Variants in HOMER2 observed in about 807,000 individuals in gnomAD.
HOMER2 encodes the protein homer protein homolog 2.
Under a neutral mutation model 47.0 loss-of-function variants are expected in HOMER2, and 27 were observed. The ratio of observed to expected loss-of-function variants is 0.57; its 90% CI spans 0.42 to 0.79. The LOEUF (loss-of-function observed/expected upper bound fraction) is 0.79. Among genes scored for constraint, HOMER2 ranks in the 30% least tolerant of loss-of-function variants. The pLI, the probability that HOMER2 is intolerant of heterozygous loss-of-function variation, is 0.00. For missense variants in HOMER2, 443 were observed against 435.0 expected (o/e 1.02, Z -0.16); for synonymous variants, 161 against 163.8 (o/e 0.98, Z 0.13).
rs1444350915 is a variant in HOMER2, at chr15:82,881,147, A to C, written c.163-5743T>G. Reference sequence around the variant, plus strand: ...CCTTCTTCTTGCGTGAGTCATCTCTAAAACTTTCACAGAGAAAGAAGCCAC... The same window carrying C: ...CCTTCTTCTTGCGTGAGTCATCTCTCAAACTTTCACAGAGAAAGAAGCCAC... On this transcript the variant is annotated intron_variant, in intron 2 of 8. Transcript: ENST00000450735. Among the ~76,000 whole-genome samples, 4 of 152,248 alleles carry C rather than the reference A, an allele frequency of 2.6e-5. No individual in the cohort carries two copies. In the East Asian group the frequency reaches 5.8e-4, roughly 22 times the overall value.
At chr15:82,985,959 C>A (rs1033929131), upstream of HOMER2, 26 of 566,134 alleles carry the variant, frequency 4.6e-5, no homozygotes, top group Non-Finnish European at 5.8e-5. Flanking sequence ...CGTCTCTACC[C>A]GTCACCTGCT....
intron 2 of HOMER2, among the ~76,000 whole-genome samples, chr15:82,891,609 G>T (rs974356680): frequency 2.6e-5 from 4 of 152,058 alleles, no homozygotes; most frequent in African/African-American, 9.7e-5. Flanking sequence ...CTATTGCCCA[G>T]CCCCTGACTC....
chr15:82,974,233 C>T (rs574044843), intron 1 of HOMER2, among the ~76,000 whole-genome samples: 1 of 151,368 alleles, frequency 6.6e-6, no homozygotes, highest in South Asian at 2.1e-4. Flanking sequence ...GGAGAAAACC[C>T]ATCTCTACTA....
chr15:82,843,442 C>CAAAAAAAAAAAAAAAAAAA (rs56335970), exon 2 of HOMER2: 1 of 20,512 alleles, frequency 4.9e-5, no homozygotes, highest in Non-Finnish European at 7.3e-5. Context: ...GACCCCGTCT[C>CAAAAAAAAAAAAAAAAAAA]AAAAAAAAAA....
chr15:82,890,334 C>T (rs1275531089), intron 2 of HOMER2, among the ~76,000 whole-genome samples: 2 of 152,002 alleles, frequency 1.3e-5, no homozygotes, highest in African/African-American at 4.8e-5. Context: ...AAAGTGAGAC[C>T]CTGTCTCAAA....
downstream of HOMER2, chr15:82,844,779 C>G (rs150116719): frequency 6.6e-6 from 1 of 152,354 alleles, no homozygotes; most frequent in East Asian, 1.9e-4. Context: ...ATATTTGATG[C>G]AAGGAATGTC....
At chr15:82,951,938 A>T in intron 1 of HOMER2, 1 of 416,394 alleles carries the variant, frequency 2.4e-6, no homozygotes, top group Non-Finnish European at 3.2e-6. Flanking sequence ...CAGAAGCATT[A>T]GTCACTTCGA....
At chr15:82,854,203 G>C (rs982091331) in intron 6 of HOMER2, among the ~76,000 whole-genome samples, 1 of 152,180 alleles carries the variant, frequency 6.6e-6, no homozygotes, top group Non-Finnish European at 1.5e-5. Flanking sequence ...CCAGGAGTTT[G>C]AGACCAGCCT....
intron 3 of HOMER2, among the ~76,000 whole-genome samples, chr15:82,865,700 C>T (rs929585916): frequency 6.6e-5 from 10 of 152,180 alleles, no homozygotes; most frequent in African/African-American, 2.2e-4. Context: ...GACTTGGTGA[C>T]CTGCATCCCA....
At chr15:82,970,941 G>A (rs1596388251) in intron 1 of HOMER2, among the ~76,000 whole-genome samples, 1 of 152,328 alleles carries the variant, frequency 6.6e-6, no homozygotes, top group African/African-American at 2.4e-5. Flanking sequence ...ATCACCAGCT[G>A]TGTTCCAGAG....
intron 4 of HOMER2, among the ~76,000 whole-genome samples, chr15:82,862,051 A>T (rs1181524585): frequency 6.7e-6 from 1 of 149,418 alleles, no homozygotes; most frequent in Non-Finnish European, 1.5e-5. Context: ...AAACAAAAAC[A>T]AAAATAGTCT....
intron 1 of HOMER2, among the ~76,000 whole-genome samples, chr15:82,894,564 G>A (rs536293132): frequency 3.8e-4 from 57 of 151,740 alleles, no homozygotes; most frequent in African/African-American, 1.3e-3. Context: ...CCAGCTACTC[G>A]GGAGGCTGAG....
At chr15:82,953,480 C>T (rs1207602583), upstream of HOMER2, among the ~76,000 whole-genome samples, 1 of 152,182 alleles carries the variant, frequency 6.6e-6, no homozygotes, top group Non-Finnish European at 1.5e-5. Flanking sequence ...AAGGCTGGCA[C>T]TGGGACTAAC....
intron 3 of HOMER2, among the ~76,000 whole-genome samples, chr15:82,868,543 T>TATATATATATATATATATATA (rs1567023464): frequency 9.8e-4 from 36 of 36,794 alleles, no homozygotes; most frequent in Admixed American, 2.3e-3. Context: ...ATATATATAT[T>TATATATATATATATATATATA]TTTTTTTTTT....
intron 2 of HOMER2, 50 bp downstream of exon 2, chr15:82,892,635 G>A (rs779404376): frequency 2.1e-6 from 3 of 1,401,842 alleles, no homozygotes; most frequent in Non-Finnish European, 2.8e-6. Context: ...GTGCATCTTG[G>A]ATGAAAGATA....
downstream of HOMER2, chr15:82,835,889 C>G (rs2051121192): frequency 6.6e-6 from 1 of 152,224 alleles, no homozygotes; most frequent in Non-Finnish European, 1.5e-5. Context: ...GAAAAAGTAG[C>G]AAAATCACAA....
chr15:82,983,671 C>T (rs922605038), intron 1 of HOMER2, among the ~76,000 whole-genome samples: 8 of 151,920 alleles, frequency 5.3e-5, no homozygotes, highest in Non-Finnish European at 8.8e-5. Flanking sequence ...TCACTGCAAC[C>T]TCTGCCTCCC....
upstream of HOMER2, among the ~76,000 whole-genome samples, chr15:82,953,809 G>C (rs2054555671): frequency 2.6e-5 from 4 of 152,166 alleles, no homozygotes. Flanking sequence ...CGTGAACCTG[G>C]AAGGCGGATC....
chr15:82,959,208 G>C (rs1201144267), exon 2 of HOMER2: 1 of 152,364 alleles, frequency 6.6e-6, no homozygotes, highest in African/African-American at 2.4e-5. Flanking sequence ...CCATCACTGT[G>C]GCCAGGGGAA....
Sources: allele counts gnomAD v4.1 joint callset (sites outside exome capture counted in the v4.1 genomes callset), GRCh38; gene constraint gnomAD v4.1.1; transcripts MANE v1.5; gene names NCBI Gene and HGNC (gene_info 2026-07-23, HGNC 2026-07-21).